FRAS1: variants seen among roughly 807,000 people sequenced by gnomAD.
FRAS1 encodes extracellular matrix organizing protein FRAS1.
Under a neutral mutation model 435.2 loss-of-function variants are expected in FRAS1, and 290 were observed. That is an observed-to-expected ratio of 0.67 (90% CI 0.61 to 0.73). The LOEUF is 0.73. FRAS1 is among the 30% of genes least tolerant of loss of function. The pLI is 0.00. For missense variants in FRAS1, 4,860 were observed against 5,001.5 expected (o/e 0.97, Z 0.85); for synonymous variants, 1,800 against 1,851.0 (o/e 0.97, Z 0.71).
intron 29 of FRAS1, among the ~76,000 whole-genome samples, chr4:78,392,236 C>T (rs1035544560): frequency 6.6e-6 from 1 of 152,040 alleles, no homozygotes; most frequent in African/African-American, 2.4e-5. Flanking sequence ...TCCACAGTGT[C>T]CTATGAGATT....
At chr4:78,264,980 A>G (rs1189854145) in intron 6 of FRAS1, 45 bp from the exon 7 acceptor site, 3 of 1,206,306 alleles carry the variant, frequency 2.5e-6, no homozygotes, top group Non-Finnish European at 3.7e-6. Context: ...TGTGGATCTT[A>G]TTAATATCAC....
chr4:78,247,266 G>A (rs1053582965), intron 4 of FRAS1, among the ~76,000 whole-genome samples: 1 of 152,060 alleles, frequency 6.6e-6, no homozygotes, highest in Non-Finnish European at 1.5e-5. Context: ...GCTCTAAACT[G>A]GGTAAGAATA....
intron 70 of FRAS1, among the ~76,000 whole-genome samples, chr4:78,527,744 A>G (rs572526808): frequency 3.3e-5 from 5 of 152,302 alleles, no homozygotes; most frequent in Admixed American, 6.5e-5. Flanking sequence ...AGGAGTTGCT[A>G]TAGAGGATGC....
chr4:78,482,946 G>A (rs546492592), intron 58 of FRAS1, among the ~76,000 whole-genome samples: 14 of 152,336 alleles, frequency 9.2e-5, no homozygotes, highest in African/African-American at 2.6e-4. Context: ...TTATATTTAA[G>A]CAGAGTCTTC....
At chr4:78,149,437 A>C (rs1270458203) in intron 2 of FRAS1, among the ~76,000 whole-genome samples, 1 of 152,232 alleles carries the variant, frequency 6.6e-6, no homozygotes, top group Non-Finnish European at 1.5e-5. Context: ...TGCACTGTAG[A>C]CTGTCCCACC....
At chr4:78,429,037 TGC>T (rs1734106822) in intron 35 of FRAS1, 56 bp from the exon 36 acceptor site, 2 of 1,481,602 alleles carry the variant, frequency 1.3e-6, no homozygotes, top group Non-Finnish European at 9.1e-7. Flanking sequence ...TGTGTGTGTG[TGC>T]GTGTCTCTGT....
chr4:78,193,754 G>A (rs1332205655), intron 2 of FRAS1, among the ~76,000 whole-genome samples: 1 of 152,118 alleles, frequency 6.6e-6, no homozygotes, highest in Non-Finnish European at 1.5e-5. Context: ...TTTAATTGGA[G>A]CATTTAGCCC....
At chr4:78,294,014 T>C (rs1728029708) in intron 14 of FRAS1, among the ~76,000 whole-genome samples, 2 of 152,232 alleles carry the variant, frequency 1.3e-5, no homozygotes, top group Admixed American at 1.3e-4. Flanking sequence ...ATTTCAGCTA[T>C]GGATTACAAA....
intron 2 of FRAS1, among the ~76,000 whole-genome samples, chr4:78,214,146 G>A (rs186460184): frequency 6.6e-6 from 1 of 152,292 alleles, no homozygotes; most frequent in Admixed American, 6.5e-5. Context: ...TAGTAAAAGG[G>A]TAAAAATGTC....
Position 78,429,234 on chromosome 4 carries a change from C to T in FRAS1, c.4843+8C>T, listed in dbSNP as rs1480349775. The T allele has an allele frequency of 2.5e-6, 4 of 1,602,704 alleles. No homozygotes were observed. Among genetic ancestry groups the T allele is most frequent in the South Asian group, 2.3e-5 (2 of 88,254 alleles). On this transcript the variant is annotated splice_region_variant and intron_variant, in intron 36 of 73. Transcript: ENST00000512123. The stretch of plus-strand genomic sequence containing the variant: ...GAGGCAGCACTTCTGTAGGTAAGAA[C>T]TGGGAGCCTGATAGAAACATGGCTT...
intron 20 of FRAS1, among the ~76,000 whole-genome samples, chr4:78,344,915 AC>A (rs1393652454): frequency 2.0e-5 from 3 of 152,230 alleles, no homozygotes; most frequent in Admixed American, 6.5e-5. Flanking sequence ...GTTGTAGTCA[AC>A]AGCTATGGTA....
intron 23 of FRAS1, among the ~76,000 whole-genome samples, chr4:78,372,383 G>A (rs568123134): frequency 3.7e-4 from 56 of 152,268 alleles, no homozygotes; most frequent in African/African-American, 1.3e-3. Flanking sequence ...CACTCCCTGC[G>A]GCAGGTTTTG....
At chr4:78,060,513 T>C (rs1261951494) in intron 1 of FRAS1, among the ~76,000 whole-genome samples, 2 of 152,214 alleles carry the variant, frequency 1.3e-5, no homozygotes, top group African/African-American at 4.8e-5. Context: ...TGTGTGCTTA[T>C]TGAGGGGTTA....
rs569696354 is a variant in FRAS1, at chr4:78,208,399, G to A, written c.109-29111G>A. Among the ~76,000 whole-genome samples the A allele has an allele frequency of 5.1e-4, 77 of 152,244 alleles. 1 individual carries two copies. Among genetic ancestry groups the A allele is most frequent in the African/African-American group, 1.8e-3 (74 of 41,546 alleles). ...CAAAGCAAGGTGCTTTAACACCCCC[G>A]CAAAATCACACTAGCTCACCAGCAA... On this transcript the variant is annotated intron_variant, in intron 2 of 73. Transcript: ENST00000512123.
intron 19 of FRAS1, among the ~76,000 whole-genome samples, chr4:78,337,018 T>A (rs893595537): frequency 3.3e-5 from 5 of 151,820 alleles, no homozygotes; most frequent in African/African-American, 1.2e-4. Flanking sequence ...AATTTGGTGG[T>A]TTTTTTGGAG....
At position 78,534,453 on chromosome 4, in the gene FRAS1, C is replaced by T. The variant is rs183729151; in HGVS notation, c.10930C>T (p.Leu3644=). ...ACTAHAPERF[L]IPIAFQQTNR... is the part of the protein sequence containing the mutation. ...TTTGTTTCTCCTTGCATTTAGATTC[C>T]TGATACCCATTGCATTCCAGCAGAC... The change falls in exon 71 of 74, where the codon CTG becomes TTG. Residue 3644 remains leucine, a synonymous_variant. Transcript: ENST00000512123. 62 of 1,611,578 alleles carry T rather than the reference C, an allele frequency of 3.8e-5. No homozygotes were observed. The East Asian group carries it at 1.2e-3, about 32-fold the overall frequency.
chr4:78,264,863 T>C, intron 6 of FRAS1, 162 bp from the exon 7 acceptor site: 1 of 693,964 alleles, frequency 1.4e-6, no homozygotes, highest in Non-Finnish European at 2.6e-6. Flanking sequence ...AATTGTTCAT[T>C]CTTATCAGAG....
chr4:78,204,396 C>T (rs1441134055), intron 2 of FRAS1, among the ~76,000 whole-genome samples: 1 of 152,152 alleles, frequency 6.6e-6, no homozygotes, highest in East Asian at 1.9e-4. Flanking sequence ...TTCATTTTGC[C>T]TGAGAGAAAA....
At chr4:78,104,792 G>A (rs1212629783) in intron 2 of FRAS1, among the ~76,000 whole-genome samples, 4 of 152,150 alleles carry the variant, frequency 2.6e-5, no homozygotes, top group Non-Finnish European at 5.9e-5. Flanking sequence ...ATACTTAATA[G>A]ATACTTAAGA....
Sources: gnomAD v4.1 joint callset for allele counts (sites outside exome capture counted in the v4.1 genomes callset) on GRCh38, gnomAD v4.1.1 for gene constraint, MANE v1.5 for transcripts, NCBI Gene and HGNC (gene_info 2026-07-23, HGNC 2026-07-21) for gene names.